Variants in FHOD3 observed in about 807,000 individuals in gnomAD.
The protein encoded by FHOD3 is FH1/FH2 domain-containing protein 3.
FHOD3 carries 90 observed loss-of-function variants against 173.0 expected under a neutral mutation model. The ratio of observed to expected loss-of-function variants is 0.52; its 90% confidence interval spans 0.44 to 0.62. The LOEUF is 0.62. Ranked by LOEUF, FHOD3 falls within the 20% of genes least tolerant of loss-of-function variation. The pLI, the probability that FHOD3 is intolerant of heterozygous loss-of-function variation, is 0.00. For synonymous variants in FHOD3, 828 were observed against 823.0 expected, an observed-to-expected ratio of 1.01 and a Z score of -0.10; for missense variants, 1,945 against 2,034.7, an observed-to-expected ratio of 0.96 and a Z score of 0.85.
intron 3 of FHOD3, among the ~76,000 whole-genome samples, chr18:36,478,100 G>A (rs2053690416): frequency 6.6e-6 from 1 of 152,132 alleles, no homozygotes; most frequent in Non-Finnish European, 1.5e-5. Flanking sequence ...TGGTAGTGGG[G>A]GTGTCATTTG....
chr18:36,331,336 GTC>G (rs927662954), intron 1 of FHOD3, among the ~76,000 whole-genome samples: 16 of 152,188 alleles, frequency 1.1e-4, no homozygotes, highest in Admixed American at 5.2e-4. Flanking sequence ...CTAGAAGTGA[GTC>G]TCTCTGCTTT....
At position 36,477,576 on chromosome 18, in the gene FHOD3, T is replaced by C. The variant is rs140785667; in HGVS notation, c.338-24356T>C. ...CTACCTACCTACCTACCTACCTACC[T>C]ACCTACCTACCTACCTACCTACCTA... On this transcript the variant is annotated intron_variant, in intron 3 of 28. Transcript: ENST00000590592. Among the ~76,000 whole-genome samples, 1,055 of 135,676 alleles carry C rather than the reference T, an allele frequency of 7.8e-3. 19 individuals are homozygous for C. The highest frequency in any genetic ancestry group is 0.028 in the African/African-American group (997 of 35,196). The allele number at this position is 135,676 out of a possible 152,430, so 89.0% of individuals were successfully genotyped here. A position where few individuals can be genotyped will look rare whatever the true frequency, so the allele number is the denominator to read the frequency against.
rs1423193443 is a variant in FHOD3 at position 36,779,614 on chromosome 18, C to T, written c.*84C>T. 1.7e-6 allele frequency: 2 copies of T among 1,189,538 alleles called. No homozygotes were observed. The highest frequency in any genetic ancestry group is 1.8e-5 in the Admixed American group (1 of 54,956). 73.7% of individuals were successfully genotyped at this position (1,189,538 alleles called of 1,614,324 possible). On this transcript the variant is annotated 3_prime_UTR_variant, in exon 29 of 29. Transcript: ENST00000590592. ...ACCCCTCCAGGTGGGGTTGGGGAGA[C>T]TTGATATTCACATCCAACAGTTTGA...
chr18:36,346,954 A>G (rs1294338624), intron 1 of FHOD3, among the ~76,000 whole-genome samples: 2 of 152,114 alleles, frequency 1.3e-5, no homozygotes, highest in Non-Finnish European at 2.9e-5. Context: ...AAAGAAAACA[A>G]CAGAAACAAC....
rs924420858 is a variant in FHOD3 at position 36,767,839 on chromosome 18, T to G, written c.4625-1426T>G. Among the ~76,000 whole-genome samples, 5 of 152,248 alleles carry G rather than the reference T, an allele frequency of 3.3e-5. No homozygotes were observed. In the South Asian group the frequency reaches 8.3e-4, roughly 25 times the overall value. On this transcript the variant is annotated intron_variant, in intron 27 of 28. Transcript: ENST00000590592. ...TCAACTACACACACACACACACATA[T>G]ATATGAAAATCACAGTCCATTGAAC...
intron 5 of FHOD3, among the ~76,000 whole-genome samples, chr18:36,527,161 G>T (rs927839146): frequency 6.6e-6 from 1 of 152,186 alleles, no homozygotes; most frequent in East Asian, 1.9e-4. Flanking sequence ...TCCATCAGGA[G>T]CCCCTCTGAC....
intron 6 of FHOD3, among the ~76,000 whole-genome samples, chr18:36,587,187 T>C (rs1215381663): frequency 2.6e-5 from 4 of 152,184 alleles, no homozygotes; most frequent in Admixed American, 2.6e-4. Context: ...ATGCCACTTT[T>C]CTTTTTGTCC....
chr18:36,570,528 A>G (rs913225779), intron 5 of FHOD3, among the ~76,000 whole-genome samples: 2 of 152,170 alleles, frequency 1.3e-5, no homozygotes, highest in Admixed American at 6.5e-5. Flanking sequence ...AGGAGGAAAC[A>G]CTTCCCAATT....
intron 3 of FHOD3, among the ~76,000 whole-genome samples, chr18:36,474,986 TACACACACACAC>T (rs3056805): frequency 0.013 from 1,368 of 108,094 alleles, 14 homozygotes; most frequent in African/African-American, 0.041. Context: ...AATACACACA[TACACACACACAC>T]ACACACACAC....
intron 3 of FHOD3, among the ~76,000 whole-genome samples, chr18:36,376,058 A>G (rs1316103212): frequency 1.3e-5 from 2 of 152,198 alleles, no homozygotes; most frequent in Non-Finnish European, 2.9e-5. Flanking sequence ...GAGGTTAGCT[A>G]GAGAAAATAA....
chr18:36,353,873 T>A (rs2046243550), intron 1 of FHOD3, among the ~76,000 whole-genome samples: 1 of 152,188 alleles, frequency 6.6e-6, no homozygotes, highest in Non-Finnish European at 1.5e-5. Context: ...TTCCATGCAG[T>A]GACTCAGGAA....
chr18:36,347,951 C>T (rs551259321), intron 1 of FHOD3, among the ~76,000 whole-genome samples: 3 of 152,348 alleles, frequency 2.0e-5, no homozygotes, highest in African/African-American at 7.2e-5. Context: ...ACCACATTCT[C>T]ACTATCACCT....
At chr18:36,328,184 G>A (rs1404363730) in intron 1 of FHOD3, among the ~76,000 whole-genome samples, 1 of 152,336 alleles carries the variant, frequency 6.6e-6, no homozygotes, top group African/African-American at 2.4e-5. Context: ...TATCTGGTGG[G>A]AGACAAGTGT....
chr18:36,600,786 C>A (rs1017839169), intron 7 of FHOD3, among the ~76,000 whole-genome samples: 1 of 152,192 alleles, frequency 6.6e-6, no homozygotes, highest in Non-Finnish European at 1.5e-5. Context: ...ACCTGTTTCG[C>A]ATCTTTGGCT....
intron 2 of FHOD3, among the ~76,000 whole-genome samples, chr18:36,368,022 G>C (rs2046984420): frequency 6.6e-6 from 1 of 152,172 alleles, no homozygotes; most frequent in South Asian, 2.1e-4. Context: ...GGAACTGTGA[G>C]TCAACTGAAC....
At chr18:36,504,265 C>T (rs2055182840) in intron 4 of FHOD3, among the ~76,000 whole-genome samples, 1 of 152,108 alleles carries the variant, frequency 6.6e-6, no homozygotes, top group Non-Finnish European at 1.5e-5. Context: ...ACCCCACACC[C>T]ACTCTATATG....
chr18:36,712,854 A>AG (rs1427968296), intron 18 of FHOD3, among the ~76,000 whole-genome samples: 2 of 152,014 alleles, frequency 1.3e-5, no homozygotes, highest in East Asian at 3.9e-4. Flanking sequence ...AAAAAAAAAA[A>AG]AAAATTTTGT....
chr18:36,570,280 G>C (rs1437390254), intron 5 of FHOD3, among the ~76,000 whole-genome samples: 1 of 152,040 alleles, frequency 6.6e-6, no homozygotes, highest in Non-Finnish European at 1.5e-5. Context: ...TACATTAGAT[G>C]AAATGGATCA....
At chr18:36,749,278 C>T (rs1449279194) in intron 24 of FHOD3, among the ~76,000 whole-genome samples, 1 of 152,154 alleles carries the variant, frequency 6.6e-6, no homozygotes, top group Admixed American at 6.5e-5. Context: ...TATTTCATCA[C>T]CCAGGTACTA....
Sources: gnomAD v4.1 joint callset for allele counts (sites outside exome capture counted in the v4.1 genomes callset) on GRCh38, gnomAD v4.1.1 for gene constraint, MANE v1.5 for transcripts, NCBI Gene and HGNC (gene_info 2026-07-23, HGNC 2026-07-21) for gene names.